DDX46: variants seen among roughly 807,000 people sequenced by gnomAD.
The protein encoded by DDX46 is probable ATP-dependent RNA helicase DDX46.
DDX46 carries 30 observed loss-of-function variants against 134.9 expected under a neutral mutation model. That is an observed-to-expected ratio of 0.22 (90% CI 0.17 to 0.30). The LOEUF is 0.30. Among genes scored for constraint, DDX46 ranks in the 10% least tolerant of loss-of-function variants. The pLI, the probability that DDX46 is intolerant of heterozygous loss-of-function variation, is 1.00. For missense variants in DDX46, 622 were observed against 1,248.7 expected, an observed-to-expected ratio of 0.50 and a Z score of 7.56; for synonymous variants, 415 against 404.1, an observed-to-expected ratio of 1.03 and a Z score of -0.32.
Position 134,830,084 on chromosome 5 carries a change from A to T in DDX46, c.*1378A>T, listed in dbSNP as rs1009868109. 4 of 151,498 alleles carry T rather than the reference A, an allele frequency of 2.6e-5. No individual in the cohort carries two copies. The highest frequency in any genetic ancestry group is 2.6e-4 in the Admixed American group (4 of 15,164). 9.4% of individuals were successfully genotyped at this position (151,498 alleles called of 1,614,324 possible). ...GTTATTGTCACTTTTCAAAAAAGGA[A>T]TTTTTTTCAGGAGTTAAATAAAGTC... On this transcript the variant is annotated 3_prime_UTR_variant, in exon 23 of 23. Coordinates refer to ENST00000452510, the MANE Select transcript of DDX46 (RefSeq NM_001300860.2).
At chr5:134,779,416 A>G (rs1754061550) in intron 6 of DDX46, among the ~76,000 whole-genome samples, 1 of 151,642 alleles carries the variant, frequency 6.6e-6, no homozygotes, top group Non-Finnish European at 1.5e-5. Flanking sequence ...CTGGCCTTGA[A>G]CTCCTGACCT....
rs544620493 is a variant in DDX46, at chr5:134,817,487, T to C, written c.2614-9T>C. 9 of 1,610,768 alleles carry C rather than the reference T, an allele frequency of 5.6e-6. No homozygotes were observed. In the African/African-American group the frequency reaches 1.2e-4, roughly 22 times the overall value. The stretch of plus-strand genomic sequence containing the variant: ...ATTTGAGATTTAACTAAGTCTTCTT[T>C]AACTACAGGATGTGATGCAGCAGGC... On this transcript the variant is annotated splice_polypyrimidine_tract_variant and intron_variant, in intron 19 of 22. Transcript: ENST00000452510.
At chr5:134,813,146 T>C (rs1458426023) in intron 18 of DDX46, among the ~76,000 whole-genome samples, 2 of 152,176 alleles carry the variant, frequency 1.3e-5, no homozygotes, top group African/African-American at 4.8e-5. Flanking sequence ...GGTTTCACCA[T>C]GTTGGCCAGG....
chr5:134,768,376 C>T (rs1263420591), intron 3 of DDX46, among the ~76,000 whole-genome samples: 2 of 151,438 alleles, frequency 1.3e-5, no homozygotes, highest in African/African-American at 4.9e-5. Flanking sequence ...TCCCAAAGTG[C>T]TGGGATTAAA....
chr5:134,790,126 C>T (rs1417861030), intron 12 of DDX46: 3 of 479,202 alleles, frequency 6.3e-6, no homozygotes, highest in Non-Finnish European at 1.2e-5. Context: ...CAGATAATGG[C>T]TGATGTGGCT....
At chr5:134,824,396 GC>G (rs887510490) in intron 21 of DDX46, among the ~76,000 whole-genome samples, 63 of 152,148 alleles carry the variant, frequency 4.1e-4, no homozygotes, top group African/African-American at 1.2e-3. Flanking sequence ...TTTGAGACCA[GC>G]CTGGCCAACA....
chr5:134,763,976 A>G lies in DDX46; in HGVS notation c.90A>G (p.Lys30=). ...CTAGAAGTCGCTCACCCTCAGACAA[A>G]AGAAGTAAACGTGGAGATGACAGAC... ...SRSRSRSPSD[K]RSKRGDDRRS... The change falls in exon 2 of 23, where the codon AAA becomes AAG. Residue 30 remains lysine (K), a synonymous_variant. Coordinates refer to ENST00000452510, the MANE Select transcript of DDX46 (RefSeq NM_001300860.2). The G allele has an allele frequency of 6.2e-7, 1 of 1,614,218 alleles. No homozygotes were observed. The highest frequency in any genetic ancestry group is 8.5e-7 in the Non-Finnish European group (1 of 1,180,042).
chr5:134,816,760 A>G (rs1755297596), intron 19 of DDX46, 154 bp downstream of exon 19: 1 of 744,918 alleles, frequency 1.3e-6, no homozygotes, highest in Non-Finnish European at 2.1e-6. Context: ...TGATAATTGC[A>G]TTTGGATGAT....
intron 16 of DDX46, among the ~76,000 whole-genome samples, chr5:134,808,484 A>G (rs1304443278): frequency 6.6e-6 from 1 of 152,196 alleles, no homozygotes; most frequent in Non-Finnish European, 1.5e-5. Context: ...TACAATTTCT[A>G]CTGAATGCAT....
intron 19 of DDX46, 184 bp downstream of exon 19, chr5:134,816,790 A>AGGACTTT: frequency 1.6e-6 from 1 of 614,584 alleles, no homozygotes; most frequent in Non-Finnish European, 2.7e-6. Flanking sequence ...CTATTGACTG[A>AGGACTTT]GGACTTTGGG....
At chr5:134,764,177 A>C in intron 2 of DDX46, 85 bp downstream of exon 2, 1 of 1,402,156 alleles carries the variant, frequency 7.1e-7, no homozygotes, top group East Asian at 2.5e-5. Flanking sequence ...TATGTTTTCA[A>C]CTGGAGTTTG....
Position 134,828,770 on chromosome 5 carries a change from G to C in DDX46, c.*64G>C, listed in dbSNP as rs1471420643. 8.6e-7 allele frequency: 1 copy of C among 1,168,510 alleles called. No homozygotes were observed. The highest frequency in any genetic ancestry group is 1.1e-6 in the Non-Finnish European group (1 of 869,810). 72.4% of individuals were successfully genotyped at this position (1,168,510 alleles called of 1,614,324 possible). On this transcript the variant is annotated 3_prime_UTR_variant, in exon 23 of 23. Transcript: ENST00000452510. ...ATGTATGTGGCAGTTGCTGTCTGCA[G>C]TTTACAATGTATTGTAAATGAAGAT...
chr5:134,760,552 C>T (rs1753345588), intron 1 of DDX46, among the ~76,000 whole-genome samples: 1 of 152,042 alleles, frequency 6.6e-6, no homozygotes, highest in African/African-American at 2.4e-5. Context: ...TCAGAATTCT[C>T]CTTAGCAGCA....
intron 11 of DDX46, among the ~76,000 whole-genome samples, chr5:134,786,281 T>A (rs930683009): frequency 6.6e-6 from 1 of 152,206 alleles, no homozygotes; most frequent in African/African-American, 2.4e-5. Flanking sequence ...TATATAATTT[T>A]TGTTAATTAT....
Position 134,784,537 on chromosome 5 carries a change from A to G in DDX46, c.1338A>G (p.Pro446=), listed in dbSNP as rs747644852. Residue 446 remains proline (P), a synonymous_variant, in exon 10 of 23, where the codon CCA becomes CCG. Transcript: ENST00000452510. ...GGTCATTAGAGGAAGGAGAGGGGCC[A>G]ATAGGTACAATTCTTTTCATTAAAC... ...DQRSLEEGEG[P]IAVIMTPTRE... 2 of 1,600,080 alleles carry G rather than the reference A, an allele frequency of 1.2e-6. No individual in the cohort carries two copies. Among genetic ancestry groups the G allele is most frequent in the African/African-American group, 1.3e-5 (1 of 74,350 alleles).
intron 19 of DDX46, chr5:134,816,893 T>G (rs1580817589): frequency 3.5e-6 from 1 of 285,830 alleles, no homozygotes; most frequent in African/African-American, 2.2e-5. Flanking sequence ...GTATTAATAA[T>G]TCTCTTTTTC....
At chr5:134,763,321 G>A (rs1303043975) in intron 1 of DDX46, among the ~76,000 whole-genome samples, 1 of 152,156 alleles carries the variant, frequency 6.6e-6, no homozygotes, top group Non-Finnish European at 1.5e-5. Flanking sequence ...AAAAGACAGA[G>A]TCCTTATATA....
rs187865261 is a variant in DDX46, at chr5:134,811,678, G to A, written c.2287-18G>A. 1.2e-4 allele frequency: 187 copies of A among 1,576,946 alleles called. No homozygotes were observed. The highest frequency in any genetic ancestry group is 5.0e-4 in the African/African-American group (36 of 72,620). ...AAGTTTTTACTATGAGATTAACTTC[G>A]TTTTCTTTTTTTGAAAGGAGGGGAA... On this transcript the variant is annotated intron_variant, in intron 17 of 22. Transcript: ENST00000452510.
intron 15 of DDX46, among the ~76,000 whole-genome samples, chr5:134,799,747 A>C (rs2150150838): frequency 6.6e-6 from 1 of 151,950 alleles, no homozygotes; most frequent in South Asian, 2.1e-4. Context: ...TCAAGAAAAA[A>C]AAAAAAAAAA....
Sources: allele counts gnomAD v4.1 joint callset (sites outside exome capture counted in the v4.1 genomes callset), GRCh38; gene constraint gnomAD v4.1.1; transcripts MANE v1.5; gene names NCBI Gene and HGNC (gene_info 2026-07-23, HGNC 2026-07-21).